MGST2: variants seen among roughly 807,000 people sequenced by gnomAD.
The protein encoded by MGST2 is glutathione peroxidase MGST2.
MGST2 carries 9 observed loss-of-function variants against 16.6 expected under a neutral mutation model. That is an observed-to-expected ratio of 0.54 (90% CI 0.33 to 0.95). The LOEUF is 0.95. Among genes scored for constraint, MGST2 ranks in the 40% least tolerant of loss-of-function variants. The probability of loss-of-function intolerance (pLI) is 0.03; values close to 1 mark genes in which losing one functional copy is unlikely to be tolerated. For missense variants in MGST2, 159 were observed against 175.1 expected (o/e 0.91, Z 0.52); for synonymous variants, 79 against 68.0 (o/e 1.16, Z -0.79).
At chr4:139,706,558 A>T (rs2110915822), downstream of MGST2, among the ~76,000 whole-genome samples, 1 of 152,344 alleles carries the variant, frequency 6.6e-6, no homozygotes, top group Non-Finnish European at 1.5e-5. Flanking sequence ...ATACTAAGGC[A>T]TAATTACTTC....
At chr4:139,751,358 C>T in the MGST2 span, among the ~76,000 whole-genome samples, 1 of 152,128 alleles carries the variant, frequency 6.6e-6, no homozygotes, top group African/African-American at 2.4e-5. Flanking sequence ...AATGAGGTAT[C>T]TTGGGAATGG....
intron 2 of MGST2, among the ~76,000 whole-genome samples, chr4:139,689,626 G>C (rs1283791845): frequency 6.6e-6 from 1 of 152,144 alleles, no homozygotes; most frequent in Non-Finnish European, 1.5e-5. Context: ...TTCAGGATGA[G>C]TCACCTAAAC....
the MGST2 span, among the ~76,000 whole-genome samples, chr4:139,747,681 A>T: frequency 6.8e-6 from 1 of 147,494 alleles, no homozygotes; most frequent in Admixed American, 6.8e-5. Flanking sequence ...GCAAGAGAGC[A>T]AGACTCCCTC....
At chr4:139,681,022 T>A (rs1028022727) in intron 2 of MGST2, among the ~76,000 whole-genome samples, 1 of 86,250 alleles carries the variant, frequency 1.2e-5, no homozygotes, top group Non-Finnish European at 2.3e-5. Context: ...TGTTTTAGAA[T>A]TTTTTTTTTG....
At chr4:139,721,231 A>C (rs1728221599) in intron 5 of MGST2, among the ~76,000 whole-genome samples, 1 of 152,180 alleles carries the variant, frequency 6.6e-6, no homozygotes, top group African/African-American at 2.4e-5. Flanking sequence ...TTCAACCTTA[A>C]TTAGGCATTT....
Position 139,717,782 on chromosome 4 carries a change from A to G in MGST2, c.*48+13586A>G, listed in dbSNP as rs567070067. 7 of 152,488 alleles carry G rather than the reference A, an allele frequency of 4.6e-5. No individual in the cohort carries two copies. The East Asian group carries it at 1.4e-3, about 30-fold the overall frequency. The allele number at this position is 152,488 out of a possible 1,614,324, so 9.4% of individuals were successfully genotyped here. Reference sequence around the variant, plus strand: ...AGGGAGGAGGGGACAGGAAAAAAGCACACGCCACTCTCACTTAGGACGACA... The same window carrying G: ...AGGGAGGAGGGGACAGGAAAAAAGCGCACGCCACTCTCACTTAGGACGACA... On this transcript the variant is annotated intron_variant, in intron 5 of 5. Coordinates refer to the MGST2 transcript ENST00000616265.
chr4:139,705,178 G>A (rs868330126), downstream of MGST2, among the ~76,000 whole-genome samples: 41 of 152,052 alleles, frequency 2.7e-4, no homozygotes, highest in African/African-American at 8.5e-4. Flanking sequence ...CACTCTGCCC[G>A]GGCAACAAAA....
At chr4:139,702,843 GGTTTTTTTTTTTTT>G (rs2110904558) in intron 3 of MGST2, among the ~76,000 whole-genome samples, 1 of 27,646 alleles carries the variant, frequency 3.6e-5, no homozygotes, top group Admixed American at 4.4e-4. Context: ...TTGTGTTACT[GGTTTTTTTTTTTTT>G]TTTTTTTTTT....
chr4:139,700,245 C>T (rs573044022), intron 3 of MGST2, among the ~76,000 whole-genome samples: 1 of 149,858 alleles, frequency 6.7e-6, no homozygotes, highest in East Asian at 2.0e-4. Flanking sequence ...CATTCTCCTG[C>T]CTCAGCCTCC....
chr4:139,723,672 T>C (rs1244424863), intron 5 of MGST2, among the ~76,000 whole-genome samples: 2 of 152,224 alleles, frequency 1.3e-5, no homozygotes. Context: ...GTCTATGTTC[T>C]GTAACACAGG....
chr4:139,711,804 C>A (rs549415716), intron 5 of MGST2, among the ~76,000 whole-genome samples: 1 of 152,146 alleles, frequency 6.6e-6, no homozygotes, highest in African/African-American at 2.4e-5. Context: ...CATTTCCCCC[C>A]TTTCTTTTAT....
At chr4:139,724,092 A>G (rs1217789076) in intron 5 of MGST2, among the ~76,000 whole-genome samples, 1 of 152,228 alleles carries the variant, frequency 6.6e-6, no homozygotes, top group African/African-American at 2.4e-5. Context: ...AACCACTGGC[A>G]CTGATTTAGT....
chr4:139,744,764 G>A (rs10005805), downstream of MGST2, among the ~76,000 whole-genome samples: 25,504 of 151,960 alleles, frequency 0.17, 2,193 homozygotes, highest in Non-Finnish European at 0.17. Context: ...TGCACTTCAC[G>A]GAAAAGCTCA....
chr4:139,730,700 T>G, intron 5 of MGST2: 1 of 1,579,870 alleles, frequency 6.3e-7, no homozygotes, highest in Non-Finnish European at 8.7e-7. Flanking sequence ...GATGCAGGGA[T>G]TCCCCATAGA....
intron 5 of MGST2, among the ~76,000 whole-genome samples, chr4:139,724,934 A>C (rs1219922525): frequency 1.3e-5 from 2 of 151,950 alleles, no homozygotes; most frequent in East Asian, 3.9e-4. Flanking sequence ...AATTTTTTGC[A>C]TTTTTAGAGA....
At chr4:139,679,606 A>G (rs1191592512) in intron 2 of MGST2, among the ~76,000 whole-genome samples, 1 of 152,102 alleles carries the variant, frequency 6.6e-6, no homozygotes, top group African/African-American at 2.4e-5. Context: ...TTTTTGTTAC[A>G]TCTTGAATCA....
At chr4:139,674,182 C>T (rs992616335) in intron 1 of MGST2, among the ~76,000 whole-genome samples, 3 of 152,142 alleles carry the variant, frequency 2.0e-5, no homozygotes, top group African/African-American at 7.2e-5. Flanking sequence ...CCAAGGTGGT[C>T]AGGGCACAGC....
chr4:139,695,731 T>C (rs1726880878), intron 3 of MGST2, among the ~76,000 whole-genome samples: 1 of 152,218 alleles, frequency 6.6e-6, no homozygotes, highest in South Asian at 2.1e-4. Flanking sequence ...TATATGAACT[T>C]TGGCTTCATT....
At position 139,702,867 on chromosome 4, in the gene MGST2, T is replaced by TTTTTC. The variant is rs767366469; in HGVS notation, c.230-585_230-584insTCTTT. ...TGGTTTTTTTTTTTTTTTTTTTTTTTTTTACAATTTTAGCCATTCTGTTGG... is the reference window on the plus strand; with the variant it reads ...TGGTTTTTTTTTTTTTTTTTTTTTTTTTTTCTTTACAATTTTAGCCATTCTGTTGG... On this transcript the variant is annotated intron_variant, in intron 3 of 4. Coordinates refer to ENST00000265498, the MANE Select transcript of MGST2 (RefSeq NM_002413.5). 3.7e-4 allele frequency among the ~76,000 whole-genome samples: 49 copies of TTTTTC among 132,384 alleles called. 1 individual carries two copies. Among genetic ancestry groups the TTTTTC allele is most frequent in the African/African-American group, 1.3e-3 (48 of 37,060 alleles). The allele number at this position is 132,384 out of a possible 152,430, so 86.8% of individuals were successfully genotyped here.
Sources: allele counts gnomAD v4.1 joint callset (sites outside exome capture counted in the v4.1 genomes callset), GRCh38; gene constraint gnomAD v4.1.1; transcripts MANE v1.5; gene names NCBI Gene and HGNC (gene_info 2026-07-23, HGNC 2026-07-21).